The following HIVEP2 variants were observed in gnomAD, a reference collection of about 807,000 sequenced individuals.
HIVEP2 encodes HIVEP zinc finger 2, also known as transcription factor HIVEP2.
Under a neutral mutation model 180.7 loss-of-function variants are expected in HIVEP2, and 14 were observed. The ratio of observed to expected loss-of-function variants is 0.08; its 90% CI spans 0.05 to 0.12. The LOEUF is 0.12. Ranked by LOEUF, HIVEP2 falls within the 10% of genes least tolerant of loss-of-function variation. The pLI is 1.00. For missense variants in HIVEP2, 2,579 were observed against 3,008.5 expected, an observed-to-expected ratio of 0.86 and a Z score of 3.34; for synonymous variants, 1,184 against 1,136.4, an observed-to-expected ratio of 1.04 and a Z score of -0.84.
rs920157842 is a variant in HIVEP2 at position 142,751,521 on chromosome 6, A to T, written c.*1586T>A. 2.6e-5 allele frequency: 4 copies of T among 152,702 alleles called. No individual in the cohort carries two copies. Among genetic ancestry groups the T allele is most frequent in the Non-Finnish European group, 4.4e-5 (3 of 68,044 alleles). The allele number at this position is 152,702 out of a possible 1,614,324, so 9.5% of individuals were successfully genotyped here. Reference sequence around the variant, plus strand: ...TTTTTAAAGAACACTCCTTAATGTAATTCAATATACAAACTTGGTTTCACA... The same window carrying T: ...TTTTTAAAGAACACTCCTTAATGTATTTCAATATACAAACTTGGTTTCACA... On this transcript the variant is annotated 3_prime_UTR_variant, in exon 10 of 10. Coordinates refer to ENST00000367603, the MANE Select transcript of HIVEP2 (RefSeq NM_006734.4).
chr6:142,864,484 G>A (rs1776085275), intron 1 of HIVEP2, among the ~76,000 whole-genome samples: 1 of 152,144 alleles, frequency 6.6e-6, no homozygotes, highest in Non-Finnish European at 1.5e-5. Context: ...CTCAGCTTTT[G>A]TGACTTAGCG....
intron 1 of HIVEP2, among the ~76,000 whole-genome samples, chr6:142,875,611 T>C (rs1244134911): frequency 6.6e-6 from 1 of 152,028 alleles, no homozygotes; most frequent in Non-Finnish European, 1.5e-5. Flanking sequence ...AGCACTTATT[T>C]TGGAGAGAGA....
chr6:142,908,408 T>C (rs1777320927), intron 1 of HIVEP2, among the ~76,000 whole-genome samples: 1 of 152,208 alleles, frequency 6.6e-6, no homozygotes, highest in Admixed American at 6.5e-5. Flanking sequence ...TTTATGCCTG[T>C]TTTTTGCATA....
intron 1 of HIVEP2, among the ~76,000 whole-genome samples, chr6:142,901,844 T>C (rs924628427): frequency 6.6e-6 from 1 of 152,148 alleles, no homozygotes; most frequent in African/African-American, 2.4e-5. Flanking sequence ...AAACTGAATC[T>C]ATCGGTTTGA....
At chr6:142,876,370 T>C (rs1292098030) in intron 1 of HIVEP2, among the ~76,000 whole-genome samples, 2 of 152,082 alleles carry the variant, frequency 1.3e-5, no homozygotes, top group Admixed American at 1.3e-4. Context: ...TGTCATCCTA[T>C]GGATAATAAA....
At chr6:142,808,198 C>T (rs1582877624) in intron 2 of HIVEP2, among the ~76,000 whole-genome samples, 1 of 152,190 alleles carries the variant, frequency 6.6e-6, no homozygotes, top group African/African-American at 2.4e-5. Context: ...GGCAGACTTT[C>T]CTTATGATCT....
intron 2 of HIVEP2, among the ~76,000 whole-genome samples, chr6:142,811,040 G>T (rs1304415403): frequency 6.6e-6 from 1 of 152,124 alleles, no homozygotes; most frequent in Non-Finnish European, 1.5e-5. Context: ...ACACCATATT[G>T]AGAAAAACCG....
chr6:142,779,675 C>T (rs1775794493), intron 3 of HIVEP2: 2 of 152,054 alleles, frequency 1.3e-5, no homozygotes, highest in Non-Finnish European at 1.5e-5. Context: ...TAAGTACATA[C>T]AATTTTATAA....
chr6:142,760,221 C>T lies in HIVEP2; in HGVS notation c.6067G>A (p.Asp2023Asn), dbSNP rs1355794518. 21 of 1,613,990 alleles carry T rather than the reference C, an allele frequency of 1.3e-5. No individual in the cohort carries two copies. The highest frequency in any genetic ancestry group is 1.7e-5 in the Non-Finnish European group (20 of 1,180,000). Residue 2023 changes from aspartate (D) to asparagine (N), a missense_variant, in exon 9 of 10, where the codon GAT becomes AAT. Asp to Asn is a conservative substitution (Grantham distance 23). This residue lies in a region of HIVEP2 where 660 missense variants were observed against 731.7 expected (regional missense o/e 0.90). Coordinates refer to ENST00000367603, the MANE Select transcript of HIVEP2 (RefSeq NM_006734.4). ...TCTGAAGGTAGCATGCACTCCTCAT[C>T]CATACAACTAGGTATGTCCAATCTG... is the stretch of plus-strand genomic sequence containing the variant. ...KDRLDIPSCMDEECMLPSEPS... is the reference protein window; with the variant it reads ...KDRLDIPSCMNEECMLPSEPS...
intron 1 of HIVEP2, among the ~76,000 whole-genome samples, chr6:142,937,817 C>A (rs1464097361): frequency 1.3e-5 from 2 of 152,180 alleles, no homozygotes; most frequent in Non-Finnish European, 2.9e-5. Flanking sequence ...TAAGTATACA[C>A]ATCAAGATAA....
chr6:142,839,533 A>G (rs1404839295), intron 1 of HIVEP2, among the ~76,000 whole-genome samples: 1 of 152,066 alleles, frequency 6.6e-6, no homozygotes, highest in Non-Finnish European at 1.5e-5. Context: ...CTTGTCACCA[A>G]TTGGTTTGTT....
intron 2 of HIVEP2, among the ~76,000 whole-genome samples, chr6:142,822,107 G>T (rs1034896723): frequency 3.9e-5 from 6 of 152,146 alleles, no homozygotes; most frequent in African/African-American, 1.4e-4. Context: ...TTTAATTCCG[G>T]CTCCACCATA....
chr6:142,934,454 C>T (rs1052577832), intron 1 of HIVEP2, among the ~76,000 whole-genome samples: 11 of 152,166 alleles, frequency 7.2e-5, no homozygotes, highest in South Asian at 6.2e-4. Flanking sequence ...CTAATGAGCA[C>T]AGCCTCACAA....
chr6:142,805,448 C>T (rs1256408153), intron 2 of HIVEP2, among the ~76,000 whole-genome samples: 3 of 148,464 alleles, frequency 2.0e-5, no homozygotes, highest in African/African-American at 7.4e-5. Flanking sequence ...CCTATCCCAA[C>T]TTGGGAACCT....
intron 2 of HIVEP2, chr6:142,793,820 C>A (rs1776218239): frequency 6.6e-6 from 1 of 151,886 alleles, no homozygotes; most frequent in South Asian, 2.1e-4. Context: ...GTGCCCACCA[C>A]CATATCTGGC....
chr6:142,862,499 T>A (rs1311723267), intron 1 of HIVEP2, among the ~76,000 whole-genome samples: 3 of 120,208 alleles, frequency 2.5e-5, no homozygotes, highest in African/African-American at 1.4e-4. Context: ...CGATTATATG[T>A]ATCATATATT....
At chr6:142,905,703 A>C (rs541354415) in intron 1 of HIVEP2, among the ~76,000 whole-genome samples, 10 of 152,292 alleles carry the variant, frequency 6.6e-5, no homozygotes, top group African/African-American at 1.2e-4. Context: ...AATCTGAAAA[A>C]ATTATATGAC....
chr6:142,806,337 C>G lies in HIVEP2; in HGVS notation c.-527-22722G>C, dbSNP rs78446030. ...AAACAGGCTGCATAAAATTTGGTAT[C>G]CAGGCTGCTCTGCCTATGGAGTAGC... On this transcript the variant is annotated intron_variant, in intron 2 of 9. Transcript: ENST00000367603. Among the ~76,000 whole-genome samples, 90 of 152,232 alleles carry G rather than the reference C, an allele frequency of 5.9e-4. No homozygotes were observed. In the South Asian group the frequency reaches 8.3e-3, roughly 14 times the overall value.
At chr6:142,794,957 A>C (rs1024586130) in intron 2 of HIVEP2, among the ~76,000 whole-genome samples, 1 of 152,220 alleles carries the variant, frequency 6.6e-6, no homozygotes, top group African/African-American at 2.4e-5. Context: ...AATCATTTTC[A>C]GTGTCATTTT....
Sources: gnomAD v4.1 joint callset for allele counts (sites outside exome capture counted in the v4.1 genomes callset) on GRCh38, gnomAD v4.1.1 for gene constraint, gnomAD v4.1.1 regional missense constraint, MANE v1.5 for transcripts, NCBI Gene and HGNC (gene_info 2026-07-23, HGNC 2026-07-21) for gene names.